ALMS1: variants seen among roughly 807,000 people sequenced by gnomAD.
ALMS1 encodes the protein ALMS1 centrosome and basal body associated protein, also known as centrosome-associated protein ALMS1.
Under a neutral mutation model 352.2 loss-of-function variants are expected in ALMS1, and 271 were observed. That is an observed-to-expected ratio of 0.77 (90% confidence interval 0.70 to 0.85). ALMS1 has a LOEUF of 0.85. Ranked by LOEUF, ALMS1 falls within the 40% of genes least tolerant of loss-of-function variation. The probability of loss-of-function intolerance (pLI) is 0.00; values close to 1 mark genes in which losing one functional copy is unlikely to be tolerated. For synonymous variants in ALMS1, 1,865 were observed against 1,761.2 expected (o/e 1.06, Z -1.48); for missense variants, 5,445 against 4,870.7 (o/e 1.12, Z -3.51).
intron 21 of ALMS1, chr2:73,603,587 C>T (rs1203369401): frequency 7.8e-6 from 3 of 385,342 alleles, no homozygotes; most frequent in South Asian, 4.4e-5. Flanking sequence ...AGGCCAGGTA[C>T]GGTGGCTCAT....
chr2:73,421,981 A>G (rs1476902060), intron 3 of ALMS1, among the ~76,000 whole-genome samples: 1 of 152,158 alleles, frequency 6.6e-6, no homozygotes, highest in Non-Finnish European at 1.5e-5. Flanking sequence ...CAGCAGTTCA[A>G]ACTTTTTGGG....
At chr2:73,427,510 T>G (rs189398236) in intron 6 of ALMS1, among the ~76,000 whole-genome samples, 4 of 152,206 alleles carry the variant, frequency 2.6e-5, no homozygotes, top group Non-Finnish European at 4.4e-5. Context: ...TTTTTTAAAT[T>G]AAGTTCTGGG....
chr2:73,563,754 T>C (rs1216219334), intron 15 of ALMS1, among the ~76,000 whole-genome samples: 1 of 130,988 alleles, frequency 7.6e-6, no homozygotes, highest in East Asian at 2.1e-4. Flanking sequence ...AAATAAAAAA[T>C]GAAGGTATGG....
rs148533472 is a variant in ALMS1, at chr2:73,403,942, C to T, written c.325-4680C>T. ...TGAGACAGAGTCTCACTCTGTTGCC[C>T]AGGGTGGAGTGCAGTGGCTCGATCC... On this transcript the variant is annotated intron_variant, in intron 1 of 22. Coordinates refer to ENST00000613296, the MANE Select transcript of ALMS1 (RefSeq NM_001378454.1). Among the ~76,000 whole-genome samples the T allele has an allele frequency of 9.9e-3, 1,500 of 152,282 alleles. 29 individuals carry two copies. Among genetic ancestry groups the T allele is most frequent in the African/African-American group, 0.034 (1,408 of 41,542 alleles).
chr2:73,486,284 G>A (rs868395273), intron 9 of ALMS1, among the ~76,000 whole-genome samples: 5 of 152,068 alleles, frequency 3.3e-5, no homozygotes, highest in Non-Finnish European at 5.9e-5. Flanking sequence ...TTGTTTTGCT[G>A]GATAGTCTAG....
chr2:73,422,439 G>T (rs72811907), intron 3 of ALMS1, among the ~76,000 whole-genome samples: 8,917 of 152,140 alleles, frequency 0.059, 421 homozygotes, highest in East Asian at 0.22. Flanking sequence ...GACATAACGG[G>T]TGTAGTCTAT....
At chr2:73,477,995 A>G (rs1156738470) in intron 9 of ALMS1, among the ~76,000 whole-genome samples, 2 of 152,182 alleles carry the variant, frequency 1.3e-5, no homozygotes, top group South Asian at 2.1e-4. Context: ...AACATCCAAT[A>G]TGATACTGAA....
intron 10 of ALMS1, among the ~76,000 whole-genome samples, chr2:73,507,452 A>G: frequency 6.6e-6 from 1 of 151,912 alleles, no homozygotes; most frequent in South Asian, 2.1e-4. Context: ...CAATTTCAGA[A>G]CTTGTCATTG....
intron 16 of ALMS1, among the ~76,000 whole-genome samples, chr2:73,579,512 C>A (rs1192169610): frequency 1.3e-5 from 2 of 151,486 alleles, no homozygotes; most frequent in South Asian, 4.2e-4. Flanking sequence ...AGGTGCACAC[C>A]ACCACACCCA....
chr2:73,503,022 A>G (rs1673247962), intron 10 of ALMS1, among the ~76,000 whole-genome samples: 1 of 152,170 alleles, frequency 6.6e-6, no homozygotes, highest in Non-Finnish European at 1.5e-5. Context: ...AACCATGAGA[A>G]TTAGGAAATT....
intron 11 of ALMS1, among the ~76,000 whole-genome samples, chr2:73,522,467 C>CTTTTT (rs137919148): frequency 3.7e-5 from 4 of 106,732 alleles, no homozygotes; most frequent in Non-Finnish European, 3.5e-5. Context: ...GGTTGAGGTC[C>CTTTTT]TTTTTTTTTT....
intron 7 of ALMS1, among the ~76,000 whole-genome samples, chr2:73,444,249 T>A (rs745577335): frequency 6.6e-6 from 1 of 152,148 alleles, no homozygotes; most frequent in Non-Finnish European, 1.5e-5. Flanking sequence ...AAATTACATC[T>A]TCTCCTGTCC....
chr2:73,605,113 A>G (rs913965874), intron 21 of ALMS1, among the ~76,000 whole-genome samples: 8 of 152,210 alleles, frequency 5.3e-5, no homozygotes, highest in Admixed American at 1.3e-4. Context: ...CAGAAAACCA[A>G]TTATTCTGAC....
chr2:73,387,320 G>C (rs1462706564), intron 1 of ALMS1, among the ~76,000 whole-genome samples: 1 of 152,224 alleles, frequency 6.6e-6, no homozygotes, highest in Admixed American at 6.5e-5. Flanking sequence ...TCATGGTCTA[G>C]ACAGGGAGGC....
intron 21 of ALMS1, among the ~76,000 whole-genome samples, chr2:73,607,020 A>G (rs1675830962): frequency 6.6e-6 from 1 of 152,098 alleles, no homozygotes; most frequent in Non-Finnish European, 1.5e-5. Context: ...TTTTTTCCAG[A>G]TTATAGAAAA....
intron 10 of ALMS1, among the ~76,000 whole-genome samples, chr2:73,503,133 A>T (rs56770679): frequency 0.12 from 18,984 of 151,926 alleles, 1,272 homozygotes; most frequent in East Asian, 0.22. Flanking sequence ...GTTTTAGGGT[A>T]CATGTGCACA....
intron 11 of ALMS1, among the ~76,000 whole-genome samples, chr2:73,533,598 T>A (rs1388002274): frequency 6.6e-6 from 1 of 152,152 alleles, no homozygotes; most frequent in Non-Finnish European, 1.5e-5. Context: ...TGTTCACACA[T>A]GGCTGTAAGG....
At chr2:73,571,765 G>A (rs998900640) in intron 15 of ALMS1, among the ~76,000 whole-genome samples, 4 of 152,006 alleles carry the variant, frequency 2.6e-5, no homozygotes, top group Non-Finnish European at 5.9e-5. Flanking sequence ...CACAGAAAAG[G>A]AATTTCAAAG....
At chr2:73,438,575 G>A (rs935115318) in intron 7 of ALMS1, among the ~76,000 whole-genome samples, 2 of 152,122 alleles carry the variant, frequency 1.3e-5, no homozygotes, top group Non-Finnish European at 2.9e-5. Flanking sequence ...TGAACAAATG[G>A]GAAATAGGAA....
Sources: gnomAD v4.1 joint callset for allele counts (sites outside exome capture counted in the v4.1 genomes callset) on GRCh38, gnomAD v4.1.1 for gene constraint, MANE v1.5 for transcripts, NCBI Gene and HGNC (gene_info 2026-07-23, HGNC 2026-07-21) for gene names.